Variants in SDHA observed in about 807,000 individuals in gnomAD.
The protein encoded by SDHA is succinate dehydrogenase complex flavoprotein subunit A.
In SDHA, 48 loss-of-function variants were observed where a neutral mutation model predicts 78.4. The observed-to-expected ratio is 0.61, with a 90% confidence interval of 0.49 to 0.78. The LOEUF (loss-of-function observed/expected upper bound fraction) is 0.78. SDHA is among the 30% of genes least tolerant of loss of function. The pLI is 0.00. For synonymous variants in SDHA, 326 were observed against 353.9 expected (o/e 0.92, Z 0.88); for missense variants, 680 against 892.7 (o/e 0.76, Z 3.04).
chr5:234,418 CAAAAAAAAAAAAAA>C (rs70955218), intron 8 of SDHA: 2 of 43,820 alleles, frequency 4.6e-5, no homozygotes, highest in South Asian at 1.2e-3. Context: ...CACTCTGTCT[CAAAAAAAAAAAAAA>C]AAAAAAAAAA....
At chr5:257,279 CG>C (rs1737262815), downstream of SDHA, among the ~76,000 whole-genome samples, 1 of 152,112 alleles carries the variant, frequency 6.6e-6, no homozygotes. Context: ...GGAACCAGGC[CG>C]CACAGTAGGA....
At chr5:262,287 A>C in the SDHA span, among the ~76,000 whole-genome samples, 1,028 of 51,150 alleles carry the variant, frequency 0.02, 96 homozygotes, top group African/African-American at 0.083. Flanking sequence ...CCGCCTCCCG[A>C]CAGAGCATTA....
At chr5:226,105 A>G in intron 5 of SDHA, 58 bp downstream of exon 5, 1 of 1,592,668 alleles carries the variant, frequency 6.3e-7, no homozygotes, top group Non-Finnish European at 8.6e-7. Context: ...TTATGGTGAC[A>G]GTGGGGAATG....
chr5:261,772 C>T (rs1318905596), downstream of SDHA, among the ~76,000 whole-genome samples: 2 of 17,716 alleles, frequency 1.1e-4, 1 homozygote, highest in Non-Finnish European at 2.6e-4. Flanking sequence ...CTCCGCCCCC[C>T]GCCAGAGCAT....
intron 6 of SDHA, among the ~76,000 whole-genome samples, chr5:230,396 G>A (rs1217291737): frequency 6.6e-6 from 1 of 152,204 alleles, no homozygotes; most frequent in Non-Finnish European, 1.5e-5. Context: ...GGAGGCCAAA[G>A]TGGGAGGATC....
chr5:256,238 A>T, intron 14 of SDHA, 96 bp from the exon 15 acceptor site: 1 of 904,758 alleles, frequency 1.1e-6, no homozygotes, highest in Non-Finnish European at 1.9e-6. Flanking sequence ...ACATGCCATA[A>T]ATCTACTTTT....
At chr5:263,387 C>T in the SDHA span, among the ~76,000 whole-genome samples, 180 of 152,204 alleles carry the variant, frequency 1.2e-3, no homozygotes, top group Middle Eastern at 0.014. Flanking sequence ...TAGGAAGGAG[C>T]GGACTATTGG....
rs2126588868 is a variant in SDHA, at chr5:236,337, C to G, written c.1261-91C>G. On this transcript the variant is annotated intron_variant, in intron 9 of 14. Coordinates refer to ENST00000264932, the MANE Select transcript of SDHA (RefSeq NM_004168.4). ...CCACGCCTGGCCTACTTCCCTCTCT[C>G]TGACCTGCAGCACAGACACCCTGTT... 5.1e-6 allele frequency: 7 copies of G among 1,371,982 alleles called. No individual in the cohort carries two copies. The Admixed American group carries it at 1.2e-4, about 23-fold the overall frequency. 85.0% of individuals were successfully genotyped at this position (1,371,982 alleles called of 1,614,324 possible). A position where few individuals can be genotyped will look rare whatever the true frequency, so the allele number is the denominator to read the frequency against.
the SDHA span, among the ~76,000 whole-genome samples, chr5:262,514 T>C: frequency 0.02 from 2,987 of 151,608 alleles, 44 homozygotes; most frequent in African/African-American, 0.067. Context: ...ATGCGAAGGA[T>C]CTAGGTTATG....
At chr5:233,032 A>G (rs1403221320) in intron 7 of SDHA, among the ~76,000 whole-genome samples, 1 of 152,276 alleles carries the variant, frequency 6.6e-6, no homozygotes, top group Non-Finnish European at 1.5e-5. Context: ...TAGCAAGTGC[A>G]GTGTAAATAT....
intron 1 of SDHA, among the ~76,000 whole-genome samples, chr5:222,169 GA>G (rs1356466658): frequency 1.3e-5 from 2 of 151,830 alleles, no homozygotes; most frequent in African/African-American, 4.8e-5. Context: ...TCTGAAAAAA[GA>G]AAAAAGCTGA....
At position 237,213 on chromosome 5, in the gene SDHA, A is replaced by G. The variant is rs1437999420; in HGVS notation, c.1432+614A>G. Among the ~76,000 whole-genome samples, 5 of 135,410 alleles carry G rather than the reference A, an allele frequency of 3.7e-5. 1 individual carries two copies. Among genetic ancestry groups the G allele is most frequent in the African/African-American group, 1.4e-4 (4 of 28,148 alleles). The allele number at this position is 135,410 out of a possible 152,430, so 88.8% of individuals were successfully genotyped here. A position where few individuals can be genotyped will look rare whatever the true frequency, so the allele number is the denominator to read the frequency against. On this transcript the variant is annotated intron_variant, in intron 10 of 14. Coordinates refer to ENST00000264932, the MANE Select transcript of SDHA (RefSeq NM_004168.4). The stretch of plus-strand genomic sequence containing the variant: ...TTGTTATTTTTAGGGGAATCATTAC[A>G]TATTACTTGCCTGATAAAAATCACT...
chr5:261,733 C>T, downstream of SDHA, among the ~76,000 whole-genome samples: 1 of 23,886 alleles, frequency 4.2e-5, no homozygotes, highest in Non-Finnish European at 9.1e-5. Context: ...GTGTGAGCTC[C>T]GCCTCCCGGC....
At chr5:242,111 G>C (rs913582024) in intron 11 of SDHA, among the ~76,000 whole-genome samples, 30 of 152,186 alleles carry the variant, frequency 2.0e-4, no homozygotes, top group African/African-American at 6.8e-4. Flanking sequence ...TCTGCTCGTG[G>C]AAATGCGTTC....
the SDHA span, among the ~76,000 whole-genome samples, chr5:263,398 T>C: frequency 0.22 from 33,835 of 152,064 alleles, 5,462 homozygotes; most frequent in African/African-American, 0.46. Flanking sequence ...GGACTATTGG[T>C]GCACGCAGCA....
At chr5:245,052 A>C (rs1173903826) in intron 11 of SDHA, among the ~76,000 whole-genome samples, 1 of 152,252 alleles carries the variant, frequency 6.6e-6, no homozygotes, top group African/African-American at 2.4e-5. Flanking sequence ...AATGGTTAAC[A>C]TATAAGCCAA....
At chr5:253,226 G>A (rs1736968485) in intron 13 of SDHA, 1 of 152,164 alleles carries the variant, frequency 6.6e-6, no homozygotes, top group Non-Finnish European at 1.5e-5. Flanking sequence ...TGTGTAGGCG[G>A]CTGGTGGCAG....
chr5:241,570 C>T (rs1276538622), intron 11 of SDHA, among the ~76,000 whole-genome samples: 4 of 152,272 alleles, frequency 2.6e-5, no homozygotes, highest in East Asian at 3.9e-4. Flanking sequence ...GCCATGGGGC[C>T]GTGGAGAACC....
In SDHA at chr5:225,496, C is replaced by T. The variant is rs748976493; in HGVS notation, c.390C>T (p.Ser130=). 7 of 1,613,764 alleles carry T rather than the reference C, an allele frequency of 4.3e-6. No homozygotes were observed. The highest frequency in any genetic ancestry group is 2.2e-5 in the South Asian group (2 of 91,062). Residue 130 remains serine, a synonymous_variant, in exon 4 of 15, where the codon TCC becomes TCT. Coordinates refer to ENST00000264932, the MANE Select transcript of SDHA (RefSeq NM_004168.4). ...ATTTCTACGACACCGTGAAGGGCTCCGACTGGCTGGGGGACCAGGATGCCA... is the reference window on the plus strand; with the variant it reads ...ATTTCTACGACACCGTGAAGGGCTCTGACTGGCTGGGGGACCAGGATGCCA... ...RWHFYDTVKG[S]DWLGDQDAIH...
Sources: gnomAD v4.1 joint callset for allele counts (sites outside exome capture counted in the v4.1 genomes callset) on GRCh38, gnomAD v4.1.1 for gene constraint, MANE v1.5 for transcripts, NCBI Gene and HGNC (gene_info 2026-07-23, HGNC 2026-07-21) for gene names.